UBE2K: variants seen among roughly 807,000 people sequenced by gnomAD.
The protein encoded by UBE2K is ubiquitin conjugating enzyme E2 K.
UBE2K carries 6 observed loss-of-function variants against 30.0 expected under a neutral mutation model. That is an observed-to-expected ratio of 0.20 (90% CI 0.11 to 0.39). The LOEUF (loss-of-function observed/expected upper bound fraction) is 0.39. Among genes scored for constraint, UBE2K ranks in the 10% least tolerant of loss-of-function variants. The pLI, the probability that UBE2K is intolerant of heterozygous loss-of-function variation, is 1.00. For missense variants in UBE2K, 61 were observed against 241.6 expected, an observed-to-expected ratio of 0.25 and a Z score of 4.96; for synonymous variants, 86 against 83.7, an observed-to-expected ratio of 1.03 and a Z score of -0.15.
chr4:39,760,888 A>C (rs1711895951), intron 4 of UBE2K: 1 of 152,236 alleles, frequency 6.6e-6, no homozygotes, highest in African/African-American at 2.4e-5. Flanking sequence ...AATGCTAAAA[A>C]TACTCTATTT....
chr4:39,764,996 C>G (rs1298666983), intron 4 of UBE2K, among the ~76,000 whole-genome samples: 1 of 151,986 alleles, frequency 6.6e-6, no homozygotes, highest in African/African-American at 2.4e-5. Context: ...AGCCATTCTC[C>G]TACCTCAGCC....
At chr4:39,742,906 C>T (rs2109356814) in intron 2 of UBE2K, among the ~76,000 whole-genome samples, 1 of 152,154 alleles carries the variant, frequency 6.6e-6, no homozygotes, top group African/African-American at 2.4e-5. Flanking sequence ...ATTAGCTGGG[C>T]ATTGTGGTGG....
At chr4:39,770,872 C>G in intron 4 of UBE2K, 3 of 1,544,122 alleles carry the variant, frequency 1.9e-6, no homozygotes, top group Non-Finnish European at 2.6e-6. Flanking sequence ...AGCTCCAAGT[C>G]CTCATCCAGT....
chr4:39,738,045 A>C (rs1719480774), intron 2 of UBE2K, among the ~76,000 whole-genome samples: 1 of 152,206 alleles, frequency 6.6e-6, no homozygotes, highest in African/African-American at 2.4e-5. Context: ...CTTGGTGTTC[A>C]CAAATTAAGT....
chr4:39,747,651 C>G (rs1188026748), intron 3 of UBE2K, among the ~76,000 whole-genome samples: 3 of 152,088 alleles, frequency 2.0e-5, no homozygotes, highest in Non-Finnish European at 2.9e-5. Context: ...GAGTCTTGCT[C>G]TGTCTCCCAG....
rs772173903 is a variant in UBE2K, at chr4:39,780,655, A to T, written c.*2221A>T. The T allele has an allele frequency of 6.6e-6, 1 of 152,038 alleles. No individual in the cohort carries two copies. Among genetic ancestry groups the T allele is most frequent in the Non-Finnish European group, 1.5e-5 (1 of 67,966 alleles). 9.4% of individuals were successfully genotyped at this position (152,038 alleles called of 1,614,324 possible). On this transcript the variant is annotated 3_prime_UTR_variant, in exon 7 of 7. Coordinates refer to ENST00000261427, the MANE Select transcript of UBE2K (RefSeq NM_005339.5). Reference sequence around the variant, plus strand: ...TTCATAAAAGATTCTTTATTATAAAAATTTACCTCATTTACATTTAATGTG... The same window carrying T: ...TTCATAAAAGATTCTTTATTATAAATATTTACCTCATTTACATTTAATGTG...
chr4:39,759,535 C>T lies in UBE2K; in HGVS notation c.299+3796C>T, dbSNP rs1405388729. On this transcript the variant is annotated intron_variant, in intron 4 of 6. Transcript: ENST00000261427. ...CTGACCTCAGGTGATCCACTGGCCT[C>T]GGCCTCCCAGAGTGCTGCAATGACA... 2.6e-5 allele frequency among the ~76,000 whole-genome samples: 4 copies of T among 152,316 alleles called. No individual in the cohort carries two copies. The East Asian group carries it at 7.7e-4, about 29-fold the overall frequency.
intron 1 of UBE2K, among the ~76,000 whole-genome samples, chr4:39,703,415 G>A (rs978134370): frequency 2.6e-5 from 4 of 152,084 alleles, no homozygotes; most frequent in South Asian, 2.1e-4. Flanking sequence ...TCGGGAGGCC[G>A]AGGCTGGAGG....
At chr4:39,770,246 G>A (rs775824584) in intron 4 of UBE2K, 23 of 1,611,994 alleles carry the variant, frequency 1.4e-5, no homozygotes, top group Non-Finnish European at 2.0e-5. Context: ...GCAGGTTGAG[G>A]TGGTCGTGCA....
chr4:39,750,528 A>T (rs952178898), intron 3 of UBE2K, among the ~76,000 whole-genome samples: 1 of 152,028 alleles, frequency 6.6e-6, no homozygotes, highest in Non-Finnish European at 1.5e-5. Flanking sequence ...CAACGCTACT[A>T]CTAGTTTTGT....
At chr4:39,752,025 G>C (rs1236652273) in intron 3 of UBE2K, among the ~76,000 whole-genome samples, 1 of 152,174 alleles carries the variant, frequency 6.6e-6, no homozygotes, top group Non-Finnish European at 1.5e-5. Flanking sequence ...CATATCTTCA[G>C]CTCACTTGAC....
intron 3 of UBE2K, among the ~76,000 whole-genome samples, chr4:39,753,136 C>G (rs1361878271): frequency 3.3e-5 from 5 of 152,210 alleles, no homozygotes; most frequent in Admixed American, 3.3e-4. Flanking sequence ...CGCCTATAAT[C>G]CTAGTACTTT....
intron 3 of UBE2K, among the ~76,000 whole-genome samples, chr4:39,754,944 C>G (rs929667897): frequency 6.6e-6 from 1 of 152,130 alleles, no homozygotes; most frequent in Non-Finnish European, 1.5e-5. Flanking sequence ...AGCTGATGAA[C>G]TCTTTAATTT....
chr4:39,725,497 T>A (rs1486597472), intron 1 of UBE2K, among the ~76,000 whole-genome samples: 1 of 151,882 alleles, frequency 6.6e-6, no homozygotes, highest in African/African-American at 2.4e-5. Flanking sequence ...GCTTCTCAGT[T>A]CACACTTCCT....
chr4:39,770,770 G>A, intron 4 of UBE2K: 1 of 1,582,394 alleles, frequency 6.3e-7, no homozygotes, highest in Non-Finnish European at 8.6e-7. Flanking sequence ...CCTCCAGGGG[G>A]CTTGAGCCGG....
chr4:39,764,011 C>T lies in UBE2K; in HGVS notation c.299+8272C>T, dbSNP rs1344278475. Among the ~76,000 whole-genome samples, 5 of 152,302 alleles carry T rather than the reference C, an allele frequency of 3.3e-5. No individual in the cohort carries two copies. The East Asian group carries it at 7.7e-4, about 24-fold the overall frequency. ...CCTCCCAAAGTGCTGAGACTGCAGGCGTGAGCCATCGTGCCTGACCTCAAT... is the reference window on the plus strand; with the variant it reads ...CCTCCCAAAGTGCTGAGACTGCAGGTGTGAGCCATCGTGCCTGACCTCAAT... On this transcript the variant is annotated intron_variant, in intron 4 of 6. Coordinates refer to ENST00000261427, the MANE Select transcript of UBE2K (RefSeq NM_005339.5).
intron 4 of UBE2K, among the ~76,000 whole-genome samples, chr4:39,762,476 C>G (rs1044706609): frequency 3.3e-5 from 5 of 152,172 alleles, no homozygotes; most frequent in Non-Finnish European, 7.3e-5. Context: ...GCTTCTGATT[C>G]TTCAGGCTGT....
intron 5 of UBE2K, 147 bp from the exon 6 acceptor site, chr4:39,777,535 C>T: frequency 2.9e-6 from 2 of 699,722 alleles, no homozygotes; most frequent in Non-Finnish European, 4.2e-6. Flanking sequence ...TCTCGAGTGA[C>T]ATAGGTTGTC....
chr4:39,700,949 T>G (rs1717974556), intron 1 of UBE2K, among the ~76,000 whole-genome samples: 1 of 149,434 alleles, frequency 6.7e-6, no homozygotes, highest in African/African-American at 2.6e-5. Flanking sequence ...AAGAAGGGCA[T>G]GTGTGTATTT....
Sources: gnomAD v4.1 joint callset for allele counts (sites outside exome capture counted in the v4.1 genomes callset) on GRCh38, gnomAD v4.1.1 for gene constraint, MANE v1.5 for transcripts, NCBI Gene and HGNC (gene_info 2026-07-23, HGNC 2026-07-21) for gene names.